PPFIA2: variants seen among roughly 807,000 people sequenced by gnomAD.
PPFIA2 encodes the protein liprin-alpha-2.
A neutral mutation model predicts 175.5 loss-of-function variants in PPFIA2; 46 were observed. That is an observed-to-expected ratio of 0.26 (90% confidence interval 0.21 to 0.34). The LOEUF is 0.34. Among genes scored for constraint, PPFIA2 ranks in the 10% least tolerant of loss-of-function variants. PPFIA2 has a pLI of 1.00. For missense variants in PPFIA2, 1,179 were observed against 1,506.1 expected, an observed-to-expected ratio of 0.78 and a Z score of 3.60; for synonymous variants, 568 against 511.4, an observed-to-expected ratio of 1.11 and a Z score of -1.49.
Position 81,277,429 on chromosome 12 carries a change from A to T in PPFIA2, c.3213-15T>A, listed in dbSNP as rs1419033657. 3.7e-5 allele frequency: 20 copies of T among 534,282 alleles called. No individual in the cohort carries two copies. In the East Asian group the frequency reaches 5.1e-4, roughly 14 times the overall value. The allele number at this position is 534,282 out of a possible 1,614,324, so 33.1% of individuals were successfully genotyped here. ...GTAAACTTGTTCTTTTTTTTTTATT[A>T]AAAAAAAAAAAACACAGTGAGTCTA... On this transcript the variant is annotated splice_polypyrimidine_tract_variant and intron_variant, in intron 27 of 32. Transcript: ENST00000549396.
chr12:81,731,483 C>T (rs761916258), intron 3 of PPFIA2, among the ~76,000 whole-genome samples: 5 of 151,586 alleles, frequency 3.3e-5, no homozygotes, highest in Admixed American at 6.6e-5. Flanking sequence ...TCAAACATTG[C>T]GAGCAAATGC....
chr12:81,670,830 A>G (rs2071261976), intron 4 of PPFIA2, among the ~76,000 whole-genome samples: 1 of 151,934 alleles, frequency 6.6e-6, no homozygotes, highest in South Asian at 2.1e-4. Flanking sequence ...CTTGGCATTA[A>G]TGATTCTCAC....
intron 3 of PPFIA2, among the ~76,000 whole-genome samples, chr12:81,704,653 T>A (rs11114984): frequency 0.34 from 52,165 of 152,036 alleles, 9,869 homozygotes; most frequent in Middle Eastern, 0.5. Flanking sequence ...ACCCATATAC[T>A]TGCACATACA....
At chr12:81,284,984 T>C (rs1042642335) in intron 24 of PPFIA2, among the ~76,000 whole-genome samples, 5 of 152,194 alleles carry the variant, frequency 3.3e-5, no homozygotes, top group South Asian at 2.1e-4. Flanking sequence ...ATAAAATCCA[T>C]ATATTTCCTA....
intron 22 of PPFIA2, among the ~76,000 whole-genome samples, chr12:81,311,593 C>T (rs2050825763): frequency 6.6e-6 from 1 of 151,648 alleles, no homozygotes; most frequent in Non-Finnish European, 1.5e-5. Flanking sequence ...ATTAGCCAGG[C>T]GTGGTGGTGG....
chr12:81,519,198 T>C (rs1187584804), intron 4 of PPFIA2, among the ~76,000 whole-genome samples: 1 of 152,212 alleles, frequency 6.6e-6, no homozygotes, highest in East Asian at 1.9e-4. Flanking sequence ...AGATAACTAA[T>C]TGAATAAACT....
chr12:81,259,519 TC>T lies in PPFIA2; in HGVS notation c.*174del, dbSNP rs1436269283. 1.8e-5 allele frequency: 17 copies of T among 941,880 alleles called. No individual in the cohort carries two copies. The highest frequency in any genetic ancestry group is 2.7e-5 in the East Asian group (1 of 37,722). 58.3% of individuals were successfully genotyped at this position (941,880 alleles called of 1,614,324 possible). A position where few individuals can be genotyped will look rare whatever the true frequency, so the allele number is the denominator to read the frequency against. On this transcript the variant is annotated 3_prime_UTR_variant, in exon 33 of 33. Transcript: ENST00000549396. Reference sequence around the variant, plus strand: ...AAACTAATCAAATGTAATATCTGACTCCCCCCAAAAATCACATTTTTCAGCT... The same window carrying T: ...AAACTAATCAAATGTAATATCTGACTCCCCCAAAAATCACATTTTTCAGCT...
At chr12:81,679,629 G>A (rs189845507) in intron 3 of PPFIA2, among the ~76,000 whole-genome samples, 7 of 151,986 alleles carry the variant, frequency 4.6e-5, no homozygotes, top group Admixed American at 2.6e-4. Context: ...AATCAATTAC[G>A]AATTCATGGC....
chr12:81,389,767 A>T (rs1595948872), intron 8 of PPFIA2, among the ~76,000 whole-genome samples: 2 of 152,126 alleles, frequency 1.3e-5, no homozygotes, highest in East Asian at 3.9e-4. Flanking sequence ...CTGTATTAAA[A>T]GTCAGTACTT....
intron 4 of PPFIA2, among the ~76,000 whole-genome samples, chr12:81,608,101 C>G (rs2895888): frequency 0.88 from 134,431 of 152,136 alleles, 59,512 homozygotes; most frequent in East Asian, 1. Context: ...CACATTTACT[C>G]ATTTACATAT....
intron 3 of PPFIA2, among the ~76,000 whole-genome samples, chr12:81,745,304 T>G (rs553450964): frequency 8.5e-5 from 13 of 152,254 alleles, no homozygotes; most frequent in South Asian, 8.3e-4. Flanking sequence ...AAGTCTGCAC[T>G]GGAGGGTAGG....
chr12:81,736,896 C>T (rs1469344348), intron 3 of PPFIA2, among the ~76,000 whole-genome samples: 1 of 151,862 alleles, frequency 6.6e-6, no homozygotes, highest in Non-Finnish European at 1.5e-5. Flanking sequence ...ACATGTACCA[C>T]CACACTTGGC....
intron 14 of PPFIA2, 130 bp downstream of exon 14, chr12:81,366,978 A>G: frequency 9.2e-7 from 1 of 1,086,824 alleles, no homozygotes; most frequent in East Asian, 3.1e-5. Flanking sequence ...ATATTCTAAA[A>G]AGTTAAAATT....
intron 7 of PPFIA2, chr12:81,431,362 A>G (rs1392250994): frequency 2.0e-5 from 3 of 151,840 alleles, no homozygotes; most frequent in African/African-American, 7.3e-5. Context: ...AGCAATAACA[A>G]TAATACTCTG....
At chr12:81,384,299 T>G in intron 8 of PPFIA2, 55 bp from the exon 9 acceptor site, 1 of 1,201,220 alleles carries the variant, frequency 8.3e-7, no homozygotes, top group East Asian at 2.7e-5. Context: ...TAATTTAAAA[T>G]TTAAAATAAA....
At chr12:81,445,790 C>T (rs1240291170) in intron 5 of PPFIA2, 70 bp from the exon 6 acceptor site, 1 of 1,437,246 alleles carries the variant, frequency 7.0e-7, no homozygotes, top group Non-Finnish European at 9.4e-7. Context: ...ATGACTTCCC[C>T]CTTAAATTAT....
At chr12:81,273,857 C>G (rs1193363065) in intron 28 of PPFIA2, among the ~76,000 whole-genome samples, 1 of 152,050 alleles carries the variant, frequency 6.6e-6, no homozygotes, top group Admixed American at 6.6e-5. Context: ...ATTGTCCTCC[C>G]CTCAGAGTTT....
chr12:81,457,259 CAGGCATG>C (rs2053739716), intron 5 of PPFIA2, among the ~76,000 whole-genome samples: 1 of 151,090 alleles, frequency 6.6e-6, no homozygotes, highest in East Asian at 1.9e-4. Flanking sequence ...GCTGGGATTA[CAGGCATG>C]AGGCATCGCG....
chr12:81,721,797 T>A (rs2079384426), intron 3 of PPFIA2, among the ~76,000 whole-genome samples: 1 of 151,278 alleles, frequency 6.6e-6, no homozygotes, highest in South Asian at 2.1e-4. Context: ...GCTTCATCTT[T>A]CACTGTTTGT....
Sources: allele counts gnomAD v4.1 joint callset (sites outside exome capture counted in the v4.1 genomes callset), GRCh38; gene constraint gnomAD v4.1.1; transcripts MANE v1.5; gene names NCBI Gene and HGNC (gene_info 2026-07-23, HGNC 2026-07-21).